The following NKAIN2 variants were observed in gnomAD, a reference collection of about 807,000 sequenced individuals.
NKAIN2 encodes sodium/potassium-transporting ATPase subunit beta-1-interacting protein 2.
A neutral mutation model predicts 32.6 loss-of-function variants in NKAIN2; 14 were observed. The ratio of observed to expected loss-of-function variants is 0.43; its 90% CI spans 0.28 to 0.67. The LOEUF is 0.67. Ranked by LOEUF, NKAIN2 falls within the 30% of genes least tolerant of loss-of-function variation. The probability of loss-of-function intolerance (pLI) is 0.17; values close to 1 mark genes in which losing one functional copy is unlikely to be tolerated. For synonymous variants in NKAIN2, 80 were observed against 87.2 expected (o/e 0.92, Z 0.46); for missense variants, 198 against 258.3 (o/e 0.77, Z 1.60).
intron 3 of NKAIN2, among the ~76,000 whole-genome samples, chr6:124,375,147 G>T (rs1799928371): frequency 6.6e-6 from 1 of 151,818 alleles, no homozygotes; most frequent in Non-Finnish European, 1.5e-5. Context: ...TCTTCACGTA[G>T]GTCTCTGGTC....
intron 1 of NKAIN2, among the ~76,000 whole-genome samples, chr6:123,808,018 G>A (rs1467726915): frequency 6.6e-6 from 1 of 152,060 alleles, no homozygotes; most frequent in Non-Finnish European, 1.5e-5. Context: ...TCCTTAAGAT[G>A]TTGTGAGTGT....
At chr6:124,172,763 A>G (rs1253611550) in intron 1 of NKAIN2, among the ~76,000 whole-genome samples, 1 of 152,190 alleles carries the variant, frequency 6.6e-6, no homozygotes, top group African/African-American at 2.4e-5. Context: ...CATATCTGAA[A>G]TGGCTACAGC....
intron 1 of NKAIN2, among the ~76,000 whole-genome samples, chr6:124,055,549 A>G (rs963562533): frequency 6.6e-5 from 10 of 151,980 alleles, no homozygotes; most frequent in African/African-American, 2.4e-4. Context: ...TTTTGTCCTC[A>G]GAGACTAGAC....
rs567270707 is a variant in NKAIN2, at chr6:123,828,416, A to T, written c.54+24162A>T. Among the ~76,000 whole-genome samples, 8 of 152,308 alleles carry T rather than the reference A, an allele frequency of 5.3e-5. 1 individual carries two copies. The South Asian group carries it at 1.4e-3, about 28-fold the overall frequency. On this transcript the variant is annotated intron_variant, in intron 1 of 6. Coordinates refer to ENST00000368417, the MANE Select transcript of NKAIN2 (RefSeq NM_001040214.3). ...GTGATACTCAAATAAATAAAAGTTA[A>T]GTTACCAATAGCTCATAAGGCAGTG...
At chr6:123,960,955 T>C (rs546408287) in intron 1 of NKAIN2, among the ~76,000 whole-genome samples, 17 of 152,126 alleles carry the variant, frequency 1.1e-4, no homozygotes, top group African/African-American at 4.1e-4. Flanking sequence ...TCCATTCTGA[T>C]TCATGTTTCA....
At chr6:124,521,528 T>A (rs1204057423) in intron 3 of NKAIN2, among the ~76,000 whole-genome samples, 1 of 152,216 alleles carries the variant, frequency 6.6e-6, no homozygotes, top group Non-Finnish European at 1.5e-5. Context: ...AGTAAATATC[T>A]TTTCAGGGAC....
chr6:123,951,404 C>T (rs528230091), intron 1 of NKAIN2, among the ~76,000 whole-genome samples: 7 of 152,022 alleles, frequency 4.6e-5, no homozygotes, highest in African/African-American at 1.4e-4. Flanking sequence ...TTTCCTTTTA[C>T]GTCTAGTAAT....
chr6:124,145,358 A>G (rs80059288), intron 1 of NKAIN2, among the ~76,000 whole-genome samples: 2,620 of 152,300 alleles, frequency 0.017, 63 homozygotes, highest in African/African-American at 0.049. Context: ...AAAAACTGAA[A>G]TCAGCCAAGA....
intron 1 of NKAIN2, among the ~76,000 whole-genome samples, chr6:124,200,164 G>A (rs1273868303): frequency 6.6e-6 from 1 of 152,098 alleles, no homozygotes; most frequent in South Asian, 2.1e-4. Context: ...AAGTTATGAA[G>A]CATTTGCCAA....
chr6:124,435,384 A>G (rs1775397914), intron 3 of NKAIN2, among the ~76,000 whole-genome samples: 1 of 152,186 alleles, frequency 6.6e-6, no homozygotes. Flanking sequence ...AAGGAAAATT[A>G]CGGTTGATGA....
chr6:124,163,265 G>T (rs1236145190), intron 1 of NKAIN2, among the ~76,000 whole-genome samples: 1 of 151,782 alleles, frequency 6.6e-6, no homozygotes, highest in Non-Finnish European at 1.5e-5. Flanking sequence ...ACTAAAAGTT[G>T]CTGGTAAACA....
intron 1 of NKAIN2, among the ~76,000 whole-genome samples, chr6:123,941,470 T>TAATG (rs1776819983): frequency 6.6e-6 from 1 of 151,842 alleles, no homozygotes; most frequent in Non-Finnish European, 1.5e-5. Context: ...AACACATGAG[T>TAATG]AATGCCTCTC....
intron 1 of NKAIN2, among the ~76,000 whole-genome samples, chr6:124,199,133 T>A (rs574423806): frequency 6.6e-6 from 1 of 152,164 alleles, no homozygotes; most frequent in Non-Finnish European, 1.5e-5. Flanking sequence ...CTTTGAAAAA[T>A]TGTAGTTAGA....
At chr6:123,957,117 A>G (rs532245623) in intron 1 of NKAIN2, among the ~76,000 whole-genome samples, 65 of 152,232 alleles carry the variant, frequency 4.3e-4, no homozygotes, top group Non-Finnish European at 8.4e-4. Flanking sequence ...GTTCACCTGT[A>G]TGTGTCCATG....
At position 124,323,887 on chromosome 6, in the gene NKAIN2, ATGCCATTCTCC is replaced by A. The variant is rs546559964; in HGVS notation, c.193-31375_193-31365del. ...ACTGCAAGCTCCACCTCCTGGGTAC[ATGCCATTCTCC>A]TGCCTCAGCCTCCCGAGGAGCTGGG... is the stretch of plus-strand genomic sequence containing the variant. On this transcript the variant is annotated intron_variant, in intron 2 of 6. Coordinates refer to ENST00000368417, the MANE Select transcript of NKAIN2 (RefSeq NM_001040214.3). Among the ~76,000 whole-genome samples the A allele has an allele frequency of 2.9e-3, 432 of 148,842 alleles. 5 individuals are homozygous for A. Among genetic ancestry groups the A allele is most frequent in the African/African-American group, 0.01 (409 of 39,978 alleles).
intron 1 of NKAIN2, among the ~76,000 whole-genome samples, chr6:123,938,418 A>G (rs1351442083): frequency 2.5e-5 from 1 of 40,236 alleles, no homozygotes; most frequent in African/African-American, 1.5e-4. Context: ...ATATATATAT[A>G]TATATATATA....
intron 1 of NKAIN2, among the ~76,000 whole-genome samples, chr6:123,921,243 C>A (rs753814873): frequency 2.6e-5 from 4 of 152,170 alleles, no homozygotes; most frequent in Non-Finnish European, 5.9e-5. Flanking sequence ...TCTCAGATAT[C>A]CAAGTGAAAT....
intron 1 of NKAIN2, among the ~76,000 whole-genome samples, chr6:123,804,556 C>A (rs1258068567): frequency 6.6e-6 from 1 of 152,124 alleles, no homozygotes. Context: ...GCTTTGCATT[C>A]CTATTCATGT....
intron 1 of NKAIN2, among the ~76,000 whole-genome samples, chr6:124,000,161 C>G (rs938838988): frequency 7.9e-5 from 12 of 152,026 alleles, no homozygotes; most frequent in African/African-American, 2.9e-4. Context: ...AAAGTGGCAA[C>G]TGATGGTTTG....
Sources: gnomAD v4.1 joint callset for allele counts (sites outside exome capture counted in the v4.1 genomes callset) on GRCh38, gnomAD v4.1.1 for gene constraint, MANE v1.5 for transcripts, NCBI Gene and HGNC (gene_info 2026-07-23, HGNC 2026-07-21) for gene names.